IL4I1: variants seen among roughly 807,000 people sequenced by gnomAD.
The protein encoded by IL4I1 is interleukin 4 induced 1.
In IL4I1, 24 loss-of-function variants were observed where a neutral mutation model predicts 29.7. The observed-to-expected ratio is 0.81, with a 90% CI of 0.59 to 1.14. The LOEUF (loss-of-function observed/expected upper bound fraction) is 1.14. Among genes scored for constraint, IL4I1 ranks in the 50% most tolerant of loss-of-function variants. The pLI, the probability that IL4I1 is intolerant of heterozygous loss-of-function variation, is 0.00. For synonymous variants in IL4I1, 371 were observed against 352.5 expected, an observed-to-expected ratio of 1.05 and a Z score of -0.59; for missense variants, 686 against 785.6, an observed-to-expected ratio of 0.87 and a Z score of 1.52.
At chr19:49,914,789 G>A (rs1347488378) in intron 2 of IL4I1, among the ~76,000 whole-genome samples, 1 of 137,504 alleles carries the variant, frequency 7.3e-6, no homozygotes, top group Non-Finnish European at 1.5e-5. Flanking sequence ...ACCCAGGCTG[G>A]AGTGTGGTGG....
At position 49,894,302 on chromosome 19, in the gene IL4I1, G is replaced by A. The variant is rs779468357; in HGVS notation, c.533C>T (p.Ser178Leu). 4 of 1,614,136 alleles carry A rather than the reference G, an allele frequency of 2.5e-6. No homozygotes were observed. The highest frequency in any genetic ancestry group is 2.2e-5 in the East Asian group (1 of 44,880). Residue 178 changes from serine to leucine, a missense_variant, in exon 5 of 8, where the codon TCG (serine) becomes TTG (leucine). Transcript: ENST00000391826. ...AGCCATCTGGTAGATGTCTTCGGGC[G>A]AGTGGCCCTTTTCCTGGGGACGCAA... is the stretch of plus-strand genomic sequence containing the variant. ...YALRPQEKGHSPEDIYQMALN... is the reference protein window; with the variant it reads ...YALRPQEKGHLPEDIYQMALN...
chr19:49,909,784 G>A (rs1486383977), intron 2 of IL4I1: 1 of 1,614,042 alleles, frequency 6.2e-7, no homozygotes, highest in Non-Finnish European at 8.5e-7. Flanking sequence ...GGGCCCCAGT[G>A]CCTCCAAAAT....
intron 2 of IL4I1, chr19:49,904,417 T>C (rs1171408151): frequency 6.6e-6 from 1 of 152,010 alleles, no homozygotes; most frequent in Non-Finnish European, 1.5e-5. Context: ...CCTCCTAGAC[T>C]CCCCCAGGAG....
chr19:49,920,142 G>GC (rs1221138620), intron 2 of IL4I1, among the ~76,000 whole-genome samples: 1 of 152,044 alleles, frequency 6.6e-6, no homozygotes, highest in African/African-American at 2.4e-5. Flanking sequence ...GAGTGCAGTG[G>GC]CGTGATCTCA....
At chr19:49,900,827 C>CA (rs2122550831), upstream of IL4I1, among the ~76,000 whole-genome samples, 1 of 152,266 alleles carries the variant, frequency 6.6e-6, no homozygotes, top group East Asian at 1.9e-4. Flanking sequence ...TTAATCCTCC[C>CA]AGATAATGGT....
In IL4I1 at chr19:49,889,998, G is replaced by C. The variant is rs1600460398; in HGVS notation, c.1376C>G (p.Pro459Arg). The C allele has an allele frequency of 1.3e-6, 2 of 1,557,232 alleles. No homozygotes were observed. The highest frequency in any genetic ancestry group is 4.8e-5 in the East Asian group (2 of 41,256). The change falls in exon 8 of 8, where the codon CCG becomes CGG. Residue 459 changes from proline to arginine, a missense_variant. Transcript: ENST00000391826. Reference protein sequence around the residue: ...HSQGGFVVQPPALWQTEKDDW... With the variant: ...HSQGGFVVQPRALWQTEKDDW... Reference sequence around the variant, plus strand: ...ATCCTTTTCGGTTTGCCAGAGCGCCGGCGGCTGTACCACAAAGCCACCCTG... The same window carrying C: ...ATCCTTTTCGGTTTGCCAGAGCGCCCGCGGCTGTACCACAAAGCCACCCTG...
At chr19:49,922,104 C>T (rs914744002) in intron 2 of IL4I1, among the ~76,000 whole-genome samples, 22 of 152,234 alleles carry the variant, frequency 1.4e-4, no homozygotes, top group African/African-American at 5.1e-4. Context: ...TGACTCAGAG[C>T]TGCTGGCTGT....
intron 2 of IL4I1, among the ~76,000 whole-genome samples, chr19:49,916,800 C>T (rs1158354002): frequency 2.0e-5 from 3 of 152,128 alleles, no homozygotes; most frequent in South Asian, 2.1e-4. Context: ...GGCATGGTGG[C>T]GTGTGCCTGT....
chr19:49,901,878 A>T (rs897294938), upstream of IL4I1: 4 of 472,100 alleles, frequency 8.5e-6, no homozygotes, highest in African/African-American at 6.0e-5. Flanking sequence ...ACTTTCAAAC[A>T]TCTAAAACCA....
intron 2 of IL4I1, chr19:49,909,359 G>T (rs1285379975): frequency 6.2e-7 from 1 of 1,613,824 alleles, no homozygotes; most frequent in Non-Finnish European, 8.5e-7. Flanking sequence ...GGTAGCTGGA[G>T]CCACAGAGGT....
chr19:49,918,420 CT>C (rs2075679654), intron 2 of IL4I1: 1 of 152,144 alleles, frequency 6.6e-6, no homozygotes, highest in Non-Finnish European at 1.5e-5. Flanking sequence ...TCTCCCACCC[CT>C]ATATGTTCAC....
intron 3 of IL4I1, among the ~76,000 whole-genome samples, chr19:49,902,883 G>A (rs543623975): frequency 3.4e-4 from 51 of 152,042 alleles, no homozygotes; most frequent in Non-Finnish European, 6.6e-4. Flanking sequence ...CTGGGAGGCC[G>A]AGACAGGTGG....
upstream of IL4I1, chr19:49,901,787 A>G: frequency 8.5e-7 from 1 of 1,178,652 alleles, no homozygotes; most frequent in Non-Finnish European, 1.2e-6. Context: ...CAGAGATGCC[A>G]AGTTCCTGAT....
chr19:49,890,658 C>G, intron 7 of IL4I1, 58 bp from the exon 8 acceptor site: 1 of 1,399,198 alleles, frequency 7.1e-7, no homozygotes, highest in Non-Finnish European at 9.4e-7. Flanking sequence ...CCCTGCCCCT[C>G]TGCCTTGCCC....
chr19:49,905,930 A>G (rs1273139027), intron 2 of IL4I1, among the ~76,000 whole-genome samples: 1 of 151,984 alleles, frequency 6.6e-6, no homozygotes, highest in East Asian at 1.9e-4. Flanking sequence ...ACTCATGATC[A>G]TGACTTCGGG....
At position 49,910,300 on chromosome 19, in the gene IL4I1, G is replaced by A. The variant is rs182869648; in HGVS notation, c.-227-5979C>T. On this transcript the variant is annotated intron_variant, in intron 2 of 9. Coordinates refer to the IL4I1 transcript ENST00000341114. ...TGGCTGACTCTAGCAGGGTGTGAGC[G>A]GATCAGCTCTTGCCACCCTGAGGGC... Among the ~76,000 whole-genome samples the A allele has an allele frequency of 8.5e-3, 1,289 of 152,082 alleles. 7 individuals carry two copies. Among genetic ancestry groups the A allele is most frequent in the Middle Eastern group, 0.02 (6 of 294 alleles).
At chr19:49,895,549 C>A (rs2075195723) in intron 3 of IL4I1, among the ~76,000 whole-genome samples, 1 of 152,212 alleles carries the variant, frequency 6.6e-6, no homozygotes, top group African/African-American at 2.4e-5. Flanking sequence ...CCAACAGGCG[C>A]CCCACCCCAG....
chr19:49,913,428 T>TG (rs1159952234), intron 2 of IL4I1, among the ~76,000 whole-genome samples: 1 of 151,746 alleles, frequency 6.6e-6, no homozygotes, highest in Non-Finnish European at 1.5e-5. Context: ...TGACCTAGAG[T>TG]GGGGGCTTTG....
rs1279245262 is a variant in IL4I1, at chr19:49,889,895, C to G, written c.1479G>C (p.Ala493=). Residue 493 remains alanine, a synonymous_variant, in exon 8 of 8, where the codon GCG becomes GCC. Coordinates refer to ENST00000391826, the MANE Select transcript of IL4I1 (RefSeq NM_152899.2). ...TAYPHGWVET[A]VKSALRAAIK... Reference sequence around the variant, plus strand: ...TGGCGGCGCGCAGCGCCGACTTGACCGCCGTCTCCACCCAGCCGTGCGGGT... The same window carrying G: ...TGGCGGCGCGCAGCGCCGACTTGACGGCCGTCTCCACCCAGCCGTGCGGGT... 1.2e-6 allele frequency: 2 copies of G among 1,607,538 alleles called. No individual in the cohort carries two copies. Among genetic ancestry groups the G allele is most frequent in the Non-Finnish European group, 8.5e-7 (1 of 1,176,834 alleles).
Sources: gnomAD v4.1 joint callset for allele counts (sites outside exome capture counted in the v4.1 genomes callset) on GRCh38, gnomAD v4.1.1 for gene constraint, MANE v1.5 for transcripts, NCBI Gene and HGNC (gene_info 2026-07-23, HGNC 2026-07-21) for gene names.